GALNTL6: variants seen among roughly 807,000 people sequenced by gnomAD.
GALNTL6 encodes polypeptide N-acetylgalactosaminyltransferase like 6.
Under a neutral mutation model 73.7 loss-of-function variants are expected in GALNTL6, and 46 were observed. The observed-to-expected ratio is 0.62, with a 90% CI of 0.49 to 0.80. The LOEUF is 0.80. Ranked by LOEUF, GALNTL6 falls within the 30% of genes least tolerant of loss-of-function variation. The probability of loss-of-function intolerance (pLI) is 0.00; values close to 1 mark genes in which losing one functional copy is unlikely to be tolerated. For synonymous variants in GALNTL6, 259 were observed against 263.7 expected, an observed-to-expected ratio of 0.98 and a Z score of 0.17; for missense variants, 604 against 755.0, an observed-to-expected ratio of 0.80 and a Z score of 2.34.
intron 2 of GALNTL6, among the ~76,000 whole-genome samples, chr4:171,911,568 A>G (rs1415703594): frequency 6.6e-6 from 1 of 152,224 alleles, no homozygotes; most frequent in Non-Finnish European, 1.5e-5. Context: ...CATTAAGTTA[A>G]GCACATAGAG....
At chr4:172,315,945 A>G (rs1448778299) in intron 4 of GALNTL6, among the ~76,000 whole-genome samples, 1 of 152,212 alleles carries the variant, frequency 6.6e-6, no homozygotes, top group Non-Finnish European at 1.5e-5. Context: ...TCTATTTGAA[A>G]TATACATATA....
At chr4:172,176,227 C>G (rs940310773) in intron 2 of GALNTL6, among the ~76,000 whole-genome samples, 1 of 150,036 alleles carries the variant, frequency 6.7e-6, no homozygotes, top group Non-Finnish European at 1.5e-5. Flanking sequence ...GTAGTCCCAG[C>G]TACTCAAAAG....
intron 2 of GALNTL6, among the ~76,000 whole-genome samples, chr4:172,041,223 A>G (rs2110839845): frequency 6.6e-6 from 1 of 152,232 alleles, no homozygotes; most frequent in East Asian, 1.9e-4. Flanking sequence ...AATAGCAAGG[A>G]AAGTGGTTTA....
chr4:172,788,590 T>A (rs1739805383), intron 5 of GALNTL6, among the ~76,000 whole-genome samples: 1 of 142,988 alleles, frequency 7.0e-6, no homozygotes, highest in Non-Finnish European at 1.5e-5. Flanking sequence ...GAGAATGCCG[T>A]GAAACCGGGA....
chr4:172,500,026 A>T (rs1734205057), intron 5 of GALNTL6, among the ~76,000 whole-genome samples: 1 of 152,212 alleles, frequency 6.6e-6, no homozygotes, highest in African/African-American at 2.4e-5. Flanking sequence ...TAGCTGAAAA[A>T]TTTATAAATG....
At chr4:172,252,542 A>C (rs1737917150) in intron 3 of GALNTL6, among the ~76,000 whole-genome samples, 1 of 152,164 alleles carries the variant, frequency 6.6e-6, no homozygotes, top group South Asian at 2.1e-4. Flanking sequence ...AAGATAAAGA[A>C]ATTTAGATAA....
intron 2 of GALNTL6, among the ~76,000 whole-genome samples, chr4:171,908,823 G>T (rs917650312): frequency 6.6e-6 from 1 of 151,208 alleles, no homozygotes; most frequent in African/African-American, 2.5e-5. Flanking sequence ...CATAAAAAAT[G>T]ATGAGTTCAT....
At chr4:172,285,504 T>G (rs1365996300) in intron 3 of GALNTL6, among the ~76,000 whole-genome samples, 4 of 152,164 alleles carry the variant, frequency 2.6e-5, no homozygotes, top group African/African-American at 7.2e-5. Flanking sequence ...AGAAAGCCCC[T>G]TTGTTCTATT....
intron 5 of GALNTL6, among the ~76,000 whole-genome samples, chr4:172,605,088 A>C (rs1211616946): frequency 6.6e-6 from 1 of 152,236 alleles, no homozygotes; most frequent in Admixed American, 6.5e-5. Flanking sequence ...CGAATTGGAG[A>C]AAATTGGCTA....
intron 2 of GALNTL6, among the ~76,000 whole-genome samples, chr4:172,144,559 A>C (rs909223836): frequency 6.6e-6 from 1 of 152,210 alleles, no homozygotes; most frequent in African/African-American, 2.4e-5. Context: ...GCTAGAAGTC[A>C]TCTTATGATA....
chr4:172,392,792 G>C (rs1368799034), intron 5 of GALNTL6, among the ~76,000 whole-genome samples: 1 of 152,150 alleles, frequency 6.6e-6, no homozygotes, highest in Non-Finnish European at 1.5e-5. Flanking sequence ...GAGAAGGGAA[G>C]CAAGTTCTCT....
In GALNTL6 at chr4:172,809,831, G is replaced by A. The variant is rs913241011; in HGVS notation, c.739+285G>A. Among the ~76,000 whole-genome samples the A allele has an allele frequency of 1.3e-5, 2 of 151,626 alleles. No individual in the cohort carries two copies. Among genetic ancestry groups the A allele is most frequent in the African/African-American group, 4.9e-5 (2 of 41,218 alleles). ...ATCTTAGATATCCTCCTTTAGTGTA[G>A]TCACATTCACTGGGTGAACACTAAA... On this transcript the variant is annotated intron_variant, in intron 6 of 12. Coordinates refer to ENST00000506823, the MANE Select transcript of GALNTL6 (RefSeq NM_001034845.3). This position sits in a 1 kb window ranked among gnomAD's most constrained non-coding sequence, Gnocchi z 4.4.
At chr4:172,885,814 C>A (rs1465222122) in intron 8 of GALNTL6, among the ~76,000 whole-genome samples, 8 of 152,124 alleles carry the variant, frequency 5.3e-5, no homozygotes. Context: ...TCAAAATGAT[C>A]CTATGCTTTT....
chr4:172,054,991 G>A (rs1730981311), intron 2 of GALNTL6, among the ~76,000 whole-genome samples: 1 of 152,122 alleles, frequency 6.6e-6, no homozygotes, highest in African/African-American at 2.4e-5. Context: ...CCAAGAGACA[G>A]CCAAACCTTA....
chr4:171,951,439 A>G (rs1738874456), intron 2 of GALNTL6, among the ~76,000 whole-genome samples: 1 of 152,066 alleles, frequency 6.6e-6, no homozygotes, highest in Non-Finnish European at 1.5e-5. Context: ...GGAGAAATTA[A>G]TGAATGCAAC....
At chr4:171,902,406 T>C (rs943016713) in intron 2 of GALNTL6, among the ~76,000 whole-genome samples, 7 of 152,180 alleles carry the variant, frequency 4.6e-5, no homozygotes, top group Non-Finnish European at 8.8e-5. Context: ...AAGAGCAGAT[T>C]CATTTCATGA....
At chr4:172,723,891 G>C (rs142521061) in intron 5 of GALNTL6, among the ~76,000 whole-genome samples, 8 of 152,106 alleles carry the variant, frequency 5.3e-5, no homozygotes, top group South Asian at 2.1e-4. Context: ...AGCCACAAAA[G>C]TACCTCTGTA....
At chr4:172,880,803 AG>A (rs1258327331) in intron 7 of GALNTL6, among the ~76,000 whole-genome samples, 1 of 152,196 alleles carries the variant, frequency 6.6e-6, no homozygotes, top group African/African-American at 2.4e-5. Flanking sequence ...ACATCAGTAA[AG>A]GTACAGAAGA....
intron 5 of GALNTL6, among the ~76,000 whole-genome samples, chr4:172,646,799 T>C (rs1339909410): frequency 3.9e-5 from 6 of 152,092 alleles, no homozygotes; most frequent in African/African-American, 1.4e-4. Flanking sequence ...ATCAATCATA[T>C]TGTTTAACAA....
Sources: gnomAD v4.1 joint callset for allele counts (sites outside exome capture counted in the v4.1 genomes callset) on GRCh38, gnomAD v4.1.1 for gene constraint, Gnocchi (gnomAD v3.1) non-coding constraint, MANE v1.5 for transcripts, NCBI Gene and HGNC (gene_info 2026-07-23, HGNC 2026-07-21) for gene names.